Variants in IFT172 observed in about 807,000 individuals in gnomAD.
The protein encoded by IFT172 is intraflagellar transport 172, also known as intraflagellar transport protein 172 homolog.
A neutral mutation model predicts 248.9 loss-of-function variants in IFT172; 164 were observed. The ratio of observed to expected loss-of-function variants is 0.66; its 90% CI spans 0.58 to 0.75. The LOEUF (loss-of-function observed/expected upper bound fraction) is 0.75. Ranked by LOEUF, IFT172 falls within the 30% of genes least tolerant of loss-of-function variation. The pLI is 0.00. For synonymous variants in IFT172, 729 were observed against 791.6 expected (o/e 0.92, Z 1.33); for missense variants, 1,950 against 2,192.4 (o/e 0.89, Z 2.21).
Position 27,459,449 on chromosome 2 carries a change from G to A in IFT172, c.2716C>T (p.Gln906Ter), listed in dbSNP as rs587777081. Residue 906 changes from glutamine (Q) to a stop codon, truncating the protein, a stop_gained, in exon 25 of 48, where the codon CAG becomes TAG. Coordinates refer to ENST00000260570, the MANE Select transcript of IFT172 (RefSeq NM_015662.3). LOFTEE classifies it high-confidence loss of function. ...TATTTGGATGCAGTGTTCCGGTCCT[G>A]TAGATCTAATATATAAATTGCCTTC... Reference protein sequence around the residue: ...WKKAIYILDLQDRNTASKYYP... With the variant: ...WKKAIYILDL 10 of 1,614,110 alleles carry A rather than the reference G, an allele frequency of 6.2e-6. No individual in the cohort carries two copies. The highest frequency in any genetic ancestry group is 5.9e-6 in the Non-Finnish European group (7 of 1,180,050).
chr2:27,462,816 T>C, intron 19 of IFT172, 23 bp from the exon 20 acceptor site: 2 of 1,610,264 alleles, frequency 1.2e-6, no homozygotes. Flanking sequence ...AAGGAGGTTC[T>C]GATTTTTCTG....
chr2:27,485,612 C>G (rs991922449), intron 1 of IFT172, 109 bp from the exon 2 acceptor site: 152 of 1,281,672 alleles, frequency 1.2e-4, no homozygotes, highest in Non-Finnish European at 1.6e-4. Context: ...CTTCCTGTCA[C>G]GGTTCTATCC....
intron 16 of IFT172, among the ~76,000 whole-genome samples, chr2:27,466,512 T>C (rs771621077): frequency 1.3e-5 from 2 of 152,170 alleles, no homozygotes; most frequent in African/African-American, 2.4e-5. Flanking sequence ...ATCATTAATA[T>C]GCCTGATTCC....
chr2:27,449,549 CAT>C lies in IFT172; in HGVS notation c.4172_4173del (p.Tyr1391CysfsTer6), dbSNP rs1475810280. ...AKELDPRYED[Y>X]VDQHYKEFLK... ...AGGAACTCTTTATAATGCTGGTCCACATAGTCTTCATACCTGTGAAGATGTTC... is the reference window on the plus strand; with the variant it reads ...AGGAACTCTTTATAATGCTGGTCCACAGTCTTCATACCTGTGAAGATGTTC... On this transcript the variant is annotated frameshift_variant, in exon 38 of 48. Coordinates refer to ENST00000260570, the MANE Select transcript of IFT172 (RefSeq NM_015662.3). LOFTEE classifies it high-confidence loss of function. 6.2e-7 allele frequency: 1 copy of C among 1,614,198 alleles called. No homozygotes were observed. The highest frequency in any genetic ancestry group is 1.7e-5 in the Admixed American group (1 of 60,022).
In IFT172 at chr2:27,449,771, A is replaced by G. The variant is rs769592553; in HGVS notation, c.4080T>C (p.Leu1360=). 1 of 1,613,920 alleles carries G rather than the reference A, an allele frequency of 6.2e-7. No homozygotes were observed. The highest frequency in any genetic ancestry group is 8.5e-7 in the Non-Finnish European group (1 of 1,179,876). Residue 1360 remains leucine (L), a synonymous_variant, in exon 37 of 48, where the codon CTT becomes CTC. Transcript: ENST00000260570. The stretch of plus-strand genomic sequence containing the variant: ...TGAAAGCATCGATTGCTTCCTTGAC[A>G]AGGTCCAGATTCAGATAGAGCTCTG... ...AAAELYLNLD[L]VKEAIDAFIE...
chr2:27,475,579 A>C (rs1667899742), intron 14 of IFT172: 1 of 152,208 alleles, frequency 6.6e-6, no homozygotes, highest in South Asian at 2.1e-4. Flanking sequence ...ATTTTAATAT[A>C]TGTACTGCCA....
At chr2:27,481,771 C>A (rs1226301940) in intron 7 of IFT172, among the ~76,000 whole-genome samples, 1 of 151,732 alleles carries the variant, frequency 6.6e-6, no homozygotes, top group African/African-American at 2.4e-5. Context: ...GAACTCCTGA[C>A]CTTGTGATCA....
At chr2:27,480,254 G>A (rs937311646) in intron 8 of IFT172, 105 bp from the exon 9 acceptor site, 17 of 1,418,740 alleles carry the variant, frequency 1.2e-5, no homozygotes, top group Non-Finnish European at 1.5e-5. Flanking sequence ...GAAAAGAAAG[G>A]AAATAAAAAG....
intron 30 of IFT172, 115 bp downstream of exon 30, chr2:27,456,396 G>A (rs1666163957): frequency 1.5e-6 from 2 of 1,356,852 alleles, no homozygotes; most frequent in Admixed American, 2.3e-5. Context: ...ATTTATTCAT[G>A]CCACTCTATC....
intron 13 of IFT172, chr2:27,476,999 A>G (rs1211567461): frequency 5.0e-6 from 3 of 594,476 alleles, no homozygotes; most frequent in Non-Finnish European, 8.9e-6. Context: ...AATTTTTTGT[A>G]TTTTTAGTAG....
Position 27,459,756 on chromosome 2 carries a change from C to T in IFT172, c.2595G>A (p.Val865=). Residue 865 remains valine, a synonymous_variant, in exon 24 of 48, where the codon GTG becomes GTA. Transcript: ENST00000260570. ...KLEEAWGDHL[V]QQKQLDAAIN... is the part of the protein sequence containing the mutation. ...TGGCTGCATCAAGCTGCTTCTGCTGCACCAGGTGGTCCCCCCATGCCTCCT... is the reference window on the plus strand; with the variant it reads ...TGGCTGCATCAAGCTGCTTCTGCTGTACCAGGTGGTCCCCCCATGCCTCCT... 3 of 1,613,076 alleles carry T rather than the reference C, an allele frequency of 1.9e-6. No homozygotes were observed. Among genetic ancestry groups the T allele is most frequent in the Non-Finnish European group, 2.5e-6 (3 of 1,180,034 alleles).
At chr2:27,484,181 A>T in intron 4 of IFT172, 46 bp downstream of exon 4, 1 of 1,610,994 alleles carries the variant, frequency 6.2e-7, no homozygotes. Context: ...ATATACTGAT[A>T]TATGTTTGTT....
chr2:27,476,560 C>T (rs1667967223), intron 14 of IFT172, 81 bp downstream of exon 14: 2 of 836,306 alleles, frequency 2.4e-6, no homozygotes, highest in African/African-American at 3.4e-5. Flanking sequence ...CCTGCATTCC[C>T]CACTGAATGC....
At chr2:27,446,497 A>AT in intron 42 of IFT172, 142 bp from the exon 43 acceptor site, 3 of 662,444 alleles carry the variant, frequency 4.5e-6, no homozygotes, top group Non-Finnish European at 7.2e-6. Flanking sequence ...TCTGGGTCTT[A>AT]GTTTTTTTTT....
At chr2:27,481,372 T>G in intron 7 of IFT172, 112 bp from the exon 8 acceptor site, 19 of 755,232 alleles carry the variant, frequency 2.5e-5, no homozygotes, top group Non-Finnish European at 3.9e-5. Context: ...CAGAAATCTC[T>G]TCCAACATTT....
rs748598741 is a variant in IFT172 at position 27,453,469 on chromosome 2, GC to G, written c.3865del (p.Ala1289LeufsTer28). ...FVEQARHWEQ[A>X]GEYSRAVDCY... ...GTCCACGGCACGGCTGTACTCTCCA[GC>G]CTGCTCCCAGTGTCGAGCTTGTTCC... On this transcript the variant is annotated frameshift_variant, in exon 35 of 48. Coordinates refer to ENST00000260570, the MANE Select transcript of IFT172 (RefSeq NM_015662.3). LOFTEE classifies it high-confidence loss of function. 6.2e-7 allele frequency: 1 copy of G among 1,614,162 alleles called. No homozygotes were observed. Among genetic ancestry groups the G allele is most frequent in the South Asian group, 1.1e-5 (1 of 91,078 alleles).
Position 27,484,243 on chromosome 2 carries a change from T to C in IFT172, c.320A>G (p.Asn107Ser). 6.2e-7 allele frequency: 1 copy of C among 1,614,066 alleles called. No individual in the cohort carries two copies. Among genetic ancestry groups the C allele is most frequent in the Non-Finnish European group, 8.5e-7 (1 of 1,179,946 alleles). The change falls in exon 4 of 48, where the codon AAC becomes AGC. Residue 107 changes from asparagine to serine, a missense_variant. Transcript: ENST00000260570. ...EDWGDKKVIC[N>S]KFIQTSAVTC... Reference sequence around the variant, plus strand: ...GAACTTTACCGTCTGGATGAACTTGTTGCAGATGACTTTCTTGTCACCCCT... The same window carrying C: ...GAACTTTACCGTCTGGATGAACTTGCTGCAGATGACTTTCTTGTCACCCCT...
intron 33 of IFT172, 88 bp from the exon 34 acceptor site, chr2:27,453,827 G>A: frequency 7.1e-7 from 1 of 1,414,242 alleles, no homozygotes; most frequent in Non-Finnish European, 9.8e-7. Context: ...CAGACTCCTG[G>A]GTCCTTGGAC....
At position 27,457,813 on chromosome 2, in the gene IFT172, G is replaced by C. The variant is rs144817917; in HGVS notation, c.3111+28C>G. ...GGAGATGGAGCCTGGTTGGGGAAGAGATAGGGAGAGCCAGGAGAAGGGCTC... is the reference window on the plus strand; with the variant it reads ...GGAGATGGAGCCTGGTTGGGGAAGACATAGGGAGAGCCAGGAGAAGGGCTC... On this transcript the variant is annotated intron_variant, in intron 28 of 47. Coordinates refer to ENST00000260570, the MANE Select transcript of IFT172 (RefSeq NM_015662.3). 3.2e-5 allele frequency: 51 copies of C among 1,614,162 alleles called. No individual in the cohort carries two copies. In the East Asian group the frequency reaches 1.1e-3, roughly 34 times the overall value.
Sources: allele counts gnomAD v4.1 joint callset (sites outside exome capture counted in the v4.1 genomes callset), GRCh38; gene constraint gnomAD v4.1.1; transcripts MANE v1.5; gene names NCBI Gene and HGNC (gene_info 2026-07-23, HGNC 2026-07-21).